LIMA1: variants seen among roughly 807,000 people sequenced by gnomAD.
LIMA1 encodes LIM domain and actin-binding protein 1.
A neutral mutation model predicts 62.6 loss-of-function variants in LIMA1; 52 were observed. The observed-to-expected ratio is 0.83, with a 90% confidence interval of 0.67 to 1.05. The LOEUF is 1.05. LIMA1 is among the 50% of genes least tolerant of loss of function. The pLI is 0.00. For missense variants in LIMA1, 780 were observed against 902.2 expected (o/e 0.86, Z 1.74); for synonymous variants, 302 against 317.8 (o/e 0.95, Z 0.53).
At chr12:50,271,041 G>A (rs1446759831) in intron 1 of LIMA1, among the ~76,000 whole-genome samples, 2 of 151,792 alleles carry the variant, frequency 1.3e-5, no homozygotes, top group Non-Finnish European at 1.5e-5. Flanking sequence ...GCAGTGAGCC[G>A]AGATCGTGCC....
intron 1 of LIMA1, among the ~76,000 whole-genome samples, chr12:50,249,026 A>G (rs553932851): frequency 3.9e-5 from 6 of 152,194 alleles, no homozygotes; most frequent in Non-Finnish European, 5.9e-5. Flanking sequence ...GCAAACATCA[A>G]TTGGCCTTTC....
intron 9 of LIMA1, among the ~76,000 whole-genome samples, chr12:50,185,116 C>T (rs1240743108): frequency 6.6e-6 from 1 of 152,200 alleles, no homozygotes. Context: ...AGGTGTGAGC[C>T]ACTGCGCCTG....
At chr12:50,193,565 TATATG>T (rs1412148620) in intron 8 of LIMA1, among the ~76,000 whole-genome samples, 3 of 115,600 alleles carry the variant, frequency 2.6e-5, no homozygotes, top group East Asian at 2.2e-4. Flanking sequence ...CATATATGTA[TATATG>T]ATATATATAT....
At chr12:50,261,146 G>A (rs915244277) in intron 1 of LIMA1, among the ~76,000 whole-genome samples, 8 of 139,510 alleles carry the variant, frequency 5.7e-5, no homozygotes, top group African/African-American at 1.9e-4. Flanking sequence ...TCCGCCTCCC[G>A]GGTTCACGTC....
chr12:50,177,117 C>T lies in LIMA1; in HGVS notation c.2227G>A (p.Glu743Lys), dbSNP rs1205451352. Reference sequence around the variant, plus strand: ...TACCGATTTCTCTTTATCTGTTCTTCCACAGAGAGCTCTTTGACCACTTCT... The same window carrying T: ...TACCGATTTCTCTTTATCTGTTCTTTCACAGAGAGCTCTTTGACCACTTCT... ...EGEVVKELSV[E>K]EQIKRNRYYD... The change falls in exon 11 of 11, where the codon GAA becomes AAA. Residue 743 changes from glutamate to lysine, a missense_variant. Coordinates refer to ENST00000341247, the MANE Select transcript of LIMA1 (RefSeq NM_016357.5). 1 of 1,609,184 alleles carries T rather than the reference C, an allele frequency of 6.2e-7. No individual in the cohort carries two copies. Among genetic ancestry groups the T allele is most frequent in the East Asian group, 2.2e-5 (1 of 44,870 alleles).
At chr12:50,223,453 A>G (rs142307115) in intron 3 of LIMA1, among the ~76,000 whole-genome samples, 2 of 151,360 alleles carry the variant, frequency 1.3e-5, no homozygotes, top group Non-Finnish European at 2.9e-5. Flanking sequence ...ACTACACTCC[A>G]GCCTGGGTGA....
At chr12:50,191,106 C>T (rs1157602554) in intron 9 of LIMA1, among the ~76,000 whole-genome samples, 1 of 113,174 alleles carries the variant, frequency 8.8e-6, no homozygotes, top group African/African-American at 3.9e-5. Context: ...GAGAACCTGT[C>T]TCAAAAAAAA....
chr12:50,225,288 GA>G (rs1565848721), intron 3 of LIMA1, among the ~76,000 whole-genome samples: 1 of 151,610 alleles, frequency 6.6e-6, no homozygotes, highest in Non-Finnish European at 1.5e-5. Flanking sequence ...CTTATTGGGG[GA>G]AAAACTCTCA....
intron 9 of LIMA1, chr12:50,185,464 A>G (rs1940609475): frequency 2.2e-6 from 1 of 456,080 alleles, no homozygotes; most frequent in African/African-American, 2.0e-5. Context: ...AGAGACAAAC[A>G]GGAACCTTCA....
chr12:50,280,918 T>C (rs572884676), intron 1 of LIMA1, among the ~76,000 whole-genome samples: 1 of 152,226 alleles, frequency 6.6e-6, no homozygotes, highest in South Asian at 2.1e-4. Flanking sequence ...ATAGCAAACT[T>C]AAAAAACAAT....
chr12:50,192,263 G>A (rs529371706), intron 9 of LIMA1, among the ~76,000 whole-genome samples, 189 bp downstream of exon 9: 11 of 152,192 alleles, frequency 7.2e-5, no homozygotes, highest in Non-Finnish European at 1.0e-4. Context: ...TCTCGCTCCC[G>A]GGCCAAAGAC....
intron 1 of LIMA1, among the ~76,000 whole-genome samples, chr12:50,278,056 T>G (rs1367388676): frequency 6.6e-6 from 1 of 150,680 alleles, no homozygotes; most frequent in Non-Finnish European, 1.5e-5. Context: ...TGGGCAGATC[T>G]CCTGAGGTCA....
At position 50,263,853 on chromosome 12, in the gene LIMA1, G is replaced by T. The variant is rs1207885491; in HGVS notation, c.-23-15079C>A. 8.0e-4 allele frequency among the ~76,000 whole-genome samples: 80 copies of T among 99,606 alleles called. 1 individual carries two copies. The highest frequency in any genetic ancestry group is 4.9e-3 in the Admixed American group (42 of 8,588). The allele number at this position is 99,606 out of a possible 152,430, so 65.3% of individuals were successfully genotyped here. On this transcript the variant is annotated intron_variant, in intron 1 of 10. Coordinates refer to ENST00000341247, the MANE Select transcript of LIMA1 (RefSeq NM_016357.5). Reference sequence around the variant, plus strand: ...GAGAGAGTATATATATATATATATAGAGAGTATATATATATATATATATAA... The same window carrying T: ...GAGAGAGTATATATATATATATATATAGAGTATATATATATATATATATAA...
chr12:50,255,886 A>C (rs1232338336), intron 1 of LIMA1, among the ~76,000 whole-genome samples: 1 of 152,032 alleles, frequency 6.6e-6, no homozygotes, highest in African/African-American at 2.4e-5. Context: ...TTTGGAAGTT[A>C]ATAGTTATTT....
At chr12:50,234,032 A>G (rs1437396773) in intron 2 of LIMA1, 3 of 431,490 alleles carry the variant, frequency 7.0e-6, no homozygotes, top group African/African-American at 6.3e-5. Flanking sequence ...GATTTCATAA[A>G]TAATTATTTG....
At chr12:50,277,939 T>C (rs1216588390) in intron 1 of LIMA1, among the ~76,000 whole-genome samples, 4 of 152,162 alleles carry the variant, frequency 2.6e-5, no homozygotes, top group African/African-American at 9.7e-5. Context: ...AGCAAAGAAA[T>C]ACAAATTAAT....
At chr12:50,193,135 C>T (rs1242983580) in intron 8 of LIMA1, among the ~76,000 whole-genome samples, 2 of 152,024 alleles carry the variant, frequency 1.3e-5, no homozygotes, top group African/African-American at 2.4e-5. Context: ...GAAATTCCAA[C>T]TACATGAGTT....
chr12:50,263,111 A>G (rs1402832230), intron 1 of LIMA1, among the ~76,000 whole-genome samples: 10 of 152,238 alleles, frequency 6.6e-5, no homozygotes, highest in Non-Finnish European at 2.9e-5. Flanking sequence ...ATGACTCGTG[A>G]TAATAAAATT....
chr12:50,195,237 A>G (rs947461796), intron 8 of LIMA1, among the ~76,000 whole-genome samples: 7 of 152,320 alleles, frequency 4.6e-5, no homozygotes, highest in Admixed American at 3.9e-4. Context: ...ACTGAAAATC[A>G]GAATAAAAAG....
Sources: allele counts gnomAD v4.1 joint callset (sites outside exome capture counted in the v4.1 genomes callset), GRCh38; gene constraint gnomAD v4.1.1; transcripts MANE v1.5; gene names NCBI Gene and HGNC (gene_info 2026-07-23, HGNC 2026-07-21).